PPARG: variants seen among roughly 807,000 people sequenced by gnomAD.
PPARG encodes peroxisome proliferator-activated receptor gamma.
PPARG carries 17 observed loss-of-function variants against 39.2 expected under a neutral mutation model. The observed-to-expected ratio is 0.43, with a 90% CI of 0.30 to 0.65. PPARG has a LOEUF of 0.65. PPARG is among the 30% of genes least tolerant of loss of function. The pLI is 0.13. For missense variants in PPARG, 406 were observed against 585.9 expected (o/e 0.69, Z 3.17); for synonymous variants, 223 against 215.7 (o/e 1.03, Z -0.30).
intron 3 of PPARG, 74 bp from the exon 4 acceptor site, chr3:12,381,248 T>A: frequency 7.1e-7 from 1 of 1,400,272 alleles, no homozygotes; most frequent in East Asian, 2.3e-5. Flanking sequence ...AGGTGTACTA[T>A]GGTGGCTTGC....
chr3:12,302,438 T>C (rs1285008741), intron 1 of PPARG, among the ~76,000 whole-genome samples: 1 of 152,168 alleles, frequency 6.6e-6, no homozygotes, highest in Non-Finnish European at 1.5e-5. Flanking sequence ...ACAGAAGTGA[T>C]GATTGCACAG....
chr3:12,394,776 C>G (rs986289538), intron 5 of PPARG, among the ~76,000 whole-genome samples: 4 of 152,304 alleles, frequency 2.6e-5, no homozygotes, highest in African/African-American at 9.6e-5. Context: ...GAAAACATTT[C>G]TAAATACAAA....
intron 2 of PPARG, among the ~76,000 whole-genome samples, chr3:12,364,226 CA>C (rs1309500102): frequency 1.3e-5 from 2 of 152,204 alleles, no homozygotes; most frequent in East Asian, 3.8e-4. Context: ...CGTTCTCCCC[CA>C]AACTTCTGAC....
At chr3:12,324,192 T>A (rs1359636055) in intron 2 of PPARG, among the ~76,000 whole-genome samples, 1 of 151,322 alleles carries the variant, frequency 6.6e-6, no homozygotes, top group Non-Finnish European at 1.5e-5. Flanking sequence ...GGCAGGAAAA[T>A]CTCTTGAACC....
intron 2 of PPARG, among the ~76,000 whole-genome samples, chr3:12,330,302 T>TTA (rs371742787): frequency 2.3e-4 from 28 of 121,066 alleles, no homozygotes; most frequent in African/African-American, 5.0e-4. Context: ...CACCTTTTTT[T>TTA]AAAAAAAAAA....
intron 1 of PPARG, among the ~76,000 whole-genome samples, chr3:12,311,003 GT>G (rs1574968768): frequency 1.3e-5 from 2 of 152,188 alleles, no homozygotes; most frequent in Admixed American, 6.5e-5. Context: ...CATAAAACAT[GT>G]GGGCATTACA....
At chr3:12,316,450 G>A (rs773974684) in intron 2 of PPARG, among the ~76,000 whole-genome samples, 5 of 152,252 alleles carry the variant, frequency 3.3e-5, no homozygotes, top group East Asian at 1.9e-4. Context: ...GGAAAGGAAC[G>A]GGGAGTTAGT....
intron 5 of PPARG, among the ~76,000 whole-genome samples, chr3:12,402,113 C>A (rs550846305): frequency 6.1e-4 from 93 of 152,226 alleles, no homozygotes; most frequent in African/African-American, 2.2e-3. Flanking sequence ...ATGATTATAG[C>A]CTCTTACCTG....
At chr3:12,405,735 G>A (rs1283960597) in intron 5 of PPARG, 147 bp from the exon 6 acceptor site, 3 of 774,412 alleles carry the variant, frequency 3.9e-6, no homozygotes, top group African/African-American at 1.7e-5. Flanking sequence ...ATAAAAACAT[G>A]AGCAAAGTGG....
At chr3:12,351,596 G>A in intron 2 of PPARG, 4 of 1,603,850 alleles carry the variant, frequency 2.5e-6, no homozygotes, top group Non-Finnish European at 3.4e-6. Context: ...TGCTGTTATG[G>A]GTGAAACTCT....
chr3:12,368,513 A>AT (rs2049100709), intron 2 of PPARG, among the ~76,000 whole-genome samples: 1 of 152,152 alleles, frequency 6.6e-6, no homozygotes, highest in Admixed American at 6.6e-5. Flanking sequence ...TGGTGCCCAA[A>AT]ATAAAAGATT....
intron 7 of PPARG, among the ~76,000 whole-genome samples, chr3:12,432,581 C>T (rs1005543702): frequency 1.3e-5 from 2 of 152,106 alleles, no homozygotes; most frequent in Non-Finnish European, 2.9e-5. Flanking sequence ...AGGAATAAAA[C>T]AAGAATTGCT....
chr3:12,290,459 T>C (rs755416807), intron 1 of PPARG, among the ~76,000 whole-genome samples: 17 of 152,116 alleles, frequency 1.1e-4, no homozygotes, highest in Non-Finnish European at 1.6e-4. Context: ...TGATAAAATA[T>C]AATATTTTCT....
chr3:12,416,865 T>G lies in PPARG; in HGVS notation c.891T>G (p.Tyr297Ter). The G allele has an allele frequency of 6.2e-7, 1 of 1,614,174 alleles. No homozygotes were observed. The highest frequency in any genetic ancestry group is 8.5e-7 in the Non-Finnish European group (1 of 1,180,018). ...AGGCTGTGCAGGAGATCACAGAGTA[T>G]GCCAAAAGCATTCCTGGTTTTGTAA... is the stretch of plus-strand genomic sequence containing the variant. ...SVEAVQEITE[Y>*]AKSIPGFVNL... The change falls in exon 7 of 8, where the codon TAT (tyrosine) becomes TAG (stop). Residue 297 changes from tyrosine to a stop codon, truncating the protein, a stop_gained. Coordinates refer to ENST00000651735, the MANE Select transcript of PPARG (RefSeq NM_138711.6). LOFTEE classifies it high-confidence loss of function.
intron 2 of PPARG, among the ~76,000 whole-genome samples, chr3:12,313,692 C>G (rs555764185): frequency 6.6e-6 from 1 of 152,224 alleles, no homozygotes; most frequent in African/African-American, 2.4e-5. Context: ...CAGGCTGAGC[C>G]TGGAGGATGT....
At chr3:12,409,476 A>G (rs543050495) in intron 6 of PPARG, among the ~76,000 whole-genome samples, 6 of 152,172 alleles carry the variant, frequency 3.9e-5, no homozygotes, top group African/African-American at 1.4e-4. Context: ...CTTTATCTAC[A>G]TGGTCATGTT....
intron 2 of PPARG, among the ~76,000 whole-genome samples, chr3:12,347,639 G>T (rs1318465118): frequency 6.6e-6 from 1 of 152,154 alleles, no homozygotes; most frequent in Non-Finnish European, 1.5e-5. Context: ...GAGCTTGGCT[G>T]GTCATTCTGG....
At chr3:12,392,589 T>A in intron 4 of PPARG, 25 bp from the exon 5 acceptor site, 1 of 1,613,280 alleles carries the variant, frequency 6.2e-7, no homozygotes, top group Non-Finnish European at 8.5e-7. Context: ...GACTTAAAAT[T>A]TGCTTCTTTT....
chr3:12,295,478 T>C (rs1248031831), intron 1 of PPARG, among the ~76,000 whole-genome samples: 1 of 151,634 alleles, frequency 6.6e-6, no homozygotes, highest in Non-Finnish European at 1.5e-5. Flanking sequence ...ATATAATGTA[T>C]TTTTACAGTT....
Sources: gnomAD v4.1 joint callset for allele counts (sites outside exome capture counted in the v4.1 genomes callset) on GRCh38, gnomAD v4.1.1 for gene constraint, MANE v1.5 for transcripts, NCBI Gene and HGNC (gene_info 2026-07-23, HGNC 2026-07-21) for gene names.